Variants in AGTPBP1 observed in about 807,000 individuals in gnomAD.
AGTPBP1 encodes the protein cytosolic carboxypeptidase 1.
Under a neutral mutation model 143.9 loss-of-function variants are expected in AGTPBP1, and 70 were observed. The ratio of observed to expected loss-of-function variants is 0.49; its 90% CI spans 0.40 to 0.59. The LOEUF (loss-of-function observed/expected upper bound fraction) is 0.59. Among genes scored for constraint, AGTPBP1 ranks in the 20% least tolerant of loss-of-function variants. AGTPBP1 has a pLI of 0.00. For missense variants in AGTPBP1, 1,229 were observed against 1,464.5 expected (o/e 0.84, Z 2.62); for synonymous variants, 463 against 500.2 (o/e 0.93, Z 0.99).
upstream of AGTPBP1, among the ~76,000 whole-genome samples, chr9:85,742,811 T>C (rs1438849272): frequency 2.0e-5 from 3 of 152,244 alleles, no homozygotes; most frequent in African/African-American, 7.2e-5. Context: ...CATTTACTTT[T>C]TCACGTTGCA....
chr9:85,671,223 G>C (rs1834461870), intron 7 of AGTPBP1, among the ~76,000 whole-genome samples: 1 of 151,966 alleles, frequency 6.6e-6, no homozygotes, highest in Non-Finnish European at 1.5e-5. Context: ...TGGGATTACA[G>C]CCATGTGCGA....
chr9:85,804,795 T>C, the AGTPBP1 span, among the ~76,000 whole-genome samples: 1 of 152,162 alleles, frequency 6.6e-6, no homozygotes, highest in African/African-American at 2.4e-5. Flanking sequence ...CTGAGCAATG[T>C]TAGTTATTTT....
intron 8 of AGTPBP1, among the ~76,000 whole-genome samples, chr9:85,662,792 G>A (rs1013685212): frequency 1.3e-5 from 2 of 152,146 alleles, no homozygotes; most frequent in Admixed American, 6.5e-5. Context: ...AATCAGAAAT[G>A]TCAGTCTCCC....
the AGTPBP1 span, among the ~76,000 whole-genome samples, chr9:85,779,224 G>GATATAGAT: frequency 2.1e-5 from 2 of 93,512 alleles, no homozygotes; most frequent in African/African-American, 3.6e-5. Flanking sequence ...TATAGATATA[G>GATATAGAT]ATATAGATAT....
chr9:85,627,135 ACT>A (rs1366928971), intron 14 of AGTPBP1, among the ~76,000 whole-genome samples: 3 of 152,248 alleles, frequency 2.0e-5, no homozygotes, highest in African/African-American at 4.8e-5. Flanking sequence ...CATGTGACAC[ACT>A]GTTATTTTAA....
intron 25 of AGTPBP1, among the ~76,000 whole-genome samples, chr9:85,573,298 G>C (rs1423089654): frequency 6.6e-6 from 1 of 152,226 alleles, no homozygotes; most frequent in Non-Finnish European, 1.5e-5. Flanking sequence ...TGGAGACGGG[G>C]TTTCGCTGTG....
chr9:85,770,061 T>TTGTGTGTGTGTGTG, the AGTPBP1 span, among the ~76,000 whole-genome samples: 126 of 148,380 alleles, frequency 8.5e-4, no homozygotes, highest in African/African-American at 2.2e-3. Flanking sequence ...TGTTAATCTG[T>TTGTGTGTGTGTGTG]TGTGTGTGTG....
At chr9:85,683,509 A>G (rs1835316030) in intron 3 of AGTPBP1, among the ~76,000 whole-genome samples, 1 of 152,186 alleles carries the variant, frequency 6.6e-6, no homozygotes, top group African/African-American at 2.4e-5. Flanking sequence ...CCTTGTTAAC[A>G]TTCACCACTG....
chr9:85,621,125 T>C, intron 15 of AGTPBP1, 77 bp downstream of exon 15: 1 of 783,184 alleles, frequency 1.3e-6, no homozygotes, highest in South Asian at 2.7e-5. Flanking sequence ...TCACAGAATT[T>C]TTATCTTTTA....
At chr9:85,701,343 C>T (rs1214188520) in intron 2 of AGTPBP1, among the ~76,000 whole-genome samples, 1 of 151,902 alleles carries the variant, frequency 6.6e-6, no homozygotes, top group Non-Finnish European at 1.5e-5. Context: ...GATTCTCCTG[C>T]CTCAGCCTCC....
the AGTPBP1 span, among the ~76,000 whole-genome samples, chr9:85,775,396 A>G: frequency 1.3e-5 from 2 of 151,640 alleles, no homozygotes; most frequent in Non-Finnish European, 2.9e-5. Flanking sequence ...CATGCCTGTA[A>G]TCCCAGCATT....
intron 8 of AGTPBP1, among the ~76,000 whole-genome samples, chr9:85,668,494 G>A (rs1290538003): frequency 6.6e-6 from 1 of 151,866 alleles, no homozygotes; most frequent in Non-Finnish European, 1.5e-5. Flanking sequence ...AATTTTGTTG[G>A]CTATGATTGT....
At chr9:85,708,883 G>C (rs1837192094) in intron 2 of AGTPBP1, among the ~76,000 whole-genome samples, 2 of 151,818 alleles carry the variant, frequency 1.3e-5, no homozygotes. Flanking sequence ...TCCAAGACAA[G>C]GTGCCTTAAC....
At chr9:85,636,582 T>A (rs1294717417) in intron 13 of AGTPBP1, among the ~76,000 whole-genome samples, 1 of 151,722 alleles carries the variant, frequency 6.6e-6, no homozygotes, top group African/African-American at 2.4e-5. Flanking sequence ...TAATGACAGA[T>A]GAGACAAAGC....
intron 2 of AGTPBP1, among the ~76,000 whole-genome samples, chr9:85,697,950 C>G (rs1836376343): frequency 6.6e-6 from 1 of 152,168 alleles, no homozygotes; most frequent in Admixed American, 6.5e-5. Context: ...TCACCACAAT[C>G]TGTGTACTAG....
chr9:85,574,945 G>A (rs1827800587), intron 25 of AGTPBP1, among the ~76,000 whole-genome samples: 1 of 152,114 alleles, frequency 6.6e-6, no homozygotes, highest in Admixed American at 6.5e-5. Context: ...CTGACCTCAG[G>A]TGATCCACCT....
At chr9:85,592,318 C>T (rs186286977) in intron 19 of AGTPBP1, among the ~76,000 whole-genome samples, 302 of 151,974 alleles carry the variant, frequency 2.0e-3, no homozygotes, top group African/African-American at 7.0e-3. Context: ...TCAAGAAATA[C>T]TGTAGTATTT....
chr9:85,577,253 T>C (rs568095490), intron 24 of AGTPBP1, among the ~76,000 whole-genome samples: 4 of 152,204 alleles, frequency 2.6e-5, no homozygotes, highest in African/African-American at 9.7e-5. Context: ...CAGAAGCTAG[T>C]TTCAGAGACA....
At chr9:85,598,088 A>G (rs2133290949) in intron 17 of AGTPBP1, among the ~76,000 whole-genome samples, 1 of 152,302 alleles carries the variant, frequency 6.6e-6, no homozygotes, top group East Asian at 1.9e-4. Flanking sequence ...AGCATTAATA[A>G]ACATATTTTT....
Sources: allele counts gnomAD v4.1 joint callset (sites outside exome capture counted in the v4.1 genomes callset), GRCh38; gene constraint gnomAD v4.1.1; transcripts MANE v1.5; gene names NCBI Gene and HGNC (gene_info 2026-07-23, HGNC 2026-07-21).